The following FBXO33 variants were observed in gnomAD, a reference collection of about 807,000 sequenced individuals.
The protein encoded by FBXO33 is F-box protein 33, also known as F-box only protein 33.
Under a neutral mutation model 46.3 loss-of-function variants are expected in FBXO33, and 22 were observed. That is an observed-to-expected ratio of 0.48 (90% confidence interval 0.34 to 0.68). FBXO33 has a LOEUF of 0.68. FBXO33 is among the 30% of genes least tolerant of loss of function. The pLI is 0.01. For missense variants in FBXO33, 692 were observed against 708.8 expected, an observed-to-expected ratio of 0.98 and a Z score of 0.27; for synonymous variants, 337 against 291.3, an observed-to-expected ratio of 1.16 and a Z score of -1.60.
chr14:39,418,285 G>C (rs2075459534), intron 1 of FBXO33, among the ~76,000 whole-genome samples: 1 of 149,776 alleles, frequency 6.7e-6, no homozygotes, highest in Non-Finnish European at 1.5e-5. Context: ...GGATGGTCTC[G>C]ATCTCCTGAC....
chr14:39,430,958 G>T (rs552367655), intron 1 of FBXO33, among the ~76,000 whole-genome samples: 18 of 152,274 alleles, frequency 1.2e-4, no homozygotes, highest in African/African-American at 4.1e-4. Flanking sequence ...GGGAGAAGTT[G>T]AGTGTGGTGG....
At chr14:39,403,567 A>G (rs2139402383) in intron 1 of FBXO33, among the ~76,000 whole-genome samples, 1 of 152,348 alleles carries the variant, frequency 6.6e-6, no homozygotes, top group South Asian at 2.1e-4. Flanking sequence ...TAAGAAAACT[A>G]GAAAACTATG....
At position 39,401,544 on chromosome 14, in the gene FBXO33, T is replaced by G. The variant is rs370540187; in HGVS notation, c.1028A>C (p.Asn343Thr). 1 of 1,614,176 alleles carries G rather than the reference T, an allele frequency of 6.2e-7. No individual in the cohort carries two copies. The highest frequency in any genetic ancestry group is 1.1e-5 in the South Asian group (1 of 91,084). ...PLQRLSLLVH[N>T]VSVMHKSLDN... is the part of the protein sequence containing the mutation. Reference sequence around the variant, plus strand: ...CAGAGACTTGTGCATTACAGAAACATTGTGAACCAGAAGAGACAGTCGTTG... The same window carrying G: ...CAGAGACTTGTGCATTACAGAAACAGTGTGAACCAGAAGAGACAGTCGTTG... The change falls in exon 3 of 4, where the codon AAT (asparagine) becomes ACT (threonine). Residue 343 changes from asparagine to threonine, a missense_variant. Asn to Thr is a moderately conservative substitution (Grantham distance 65, BLOSUM62 0). Transcript: ENST00000298097.
chr14:39,430,024 A>C (rs2075535167), intron 1 of FBXO33, among the ~76,000 whole-genome samples: 1 of 152,244 alleles, frequency 6.6e-6, no homozygotes, highest in Non-Finnish European at 1.5e-5. Flanking sequence ...ATGGTTGCAT[A>C]AAAGTGCAAT....
At chr14:39,415,547 T>C (rs2075444032) in intron 1 of FBXO33, among the ~76,000 whole-genome samples, 1 of 152,202 alleles carries the variant, frequency 6.6e-6, no homozygotes, top group Non-Finnish European at 1.5e-5. Context: ...AAGATAATAA[T>C]ATAATTGTAT....
chr14:39,414,207 CAGGGAG>C (rs2075436855), intron 1 of FBXO33, among the ~76,000 whole-genome samples: 1 of 152,214 alleles, frequency 6.6e-6, no homozygotes, highest in Non-Finnish European at 1.5e-5. Flanking sequence ...CTTGCATTTT[CAGGGAG>C]GTGACTTTTT....
chr14:39,402,587 T>G (rs766074983), intron 1 of FBXO33, 76 bp from the exon 2 acceptor site: 16 of 626,548 alleles, frequency 2.6e-5, no homozygotes, highest in South Asian at 5.8e-5. Flanking sequence ...AATAAGAATA[T>G]GCAAAGGGGA....
At chr14:39,431,032 C>T (rs1164700808) in intron 1 of FBXO33, among the ~76,000 whole-genome samples, 3 of 152,098 alleles carry the variant, frequency 2.0e-5, no homozygotes, top group Non-Finnish European at 2.9e-5. Context: ...AACAAACACT[C>T]CTCCTCCTCT....
At chr14:39,425,119 C>A (rs1385491046) in intron 1 of FBXO33, among the ~76,000 whole-genome samples, 5 of 152,120 alleles carry the variant, frequency 3.3e-5, no homozygotes, top group Admixed American at 2.0e-4. Flanking sequence ...ACAAGAATTT[C>A]CTTATGAATT....
At chr14:39,412,749 TAAAG>T (rs955116695) in intron 1 of FBXO33, among the ~76,000 whole-genome samples, 62 of 152,330 alleles carry the variant, frequency 4.1e-4, no homozygotes, top group African/African-American at 1.3e-3. Flanking sequence ...AATATTGAAA[TAAAG>T]AAAGTCACAC....
intron 1 of FBXO33, among the ~76,000 whole-genome samples, chr14:39,416,459 T>TC (rs2075449250): frequency 6.6e-6 from 1 of 152,324 alleles, no homozygotes; most frequent in African/African-American, 2.4e-5. Context: ...AGCTTTCTGC[T>TC]CCTTTTCTAC....
Position 39,423,576 on chromosome 14 carries a change from T to C in FBXO33, c.599+7988A>G, listed in dbSNP as rs148025227. On this transcript the variant is annotated intron_variant, in intron 1 of 3. Coordinates refer to ENST00000298097, the MANE Select transcript of FBXO33 (RefSeq NM_203301.4). ...AGATAAATTACAGTCTAATCATCAATAAAAATTAATGAACAACTATTATAG... is the reference window on the plus strand; with the variant it reads ...AGATAAATTACAGTCTAATCATCAACAAAAATTAATGAACAACTATTATAG... Among the ~76,000 whole-genome samples the C allele has an allele frequency of 2.4e-3, 360 of 152,240 alleles. 3 individuals carry two copies. Among genetic ancestry groups the C allele is most frequent in the Middle Eastern group, 0.014 (4 of 294 alleles).
chr14:39,412,483 G>C (rs924824711), intron 1 of FBXO33, among the ~76,000 whole-genome samples: 1 of 152,154 alleles, frequency 6.6e-6, no homozygotes, highest in African/African-American at 2.4e-5. Flanking sequence ...GTTGGATCCT[G>C]TTTTTTAATT....
At position 39,399,451 on chromosome 14, in the gene FBXO33, GA is replaced by G. The variant is rs926634185; in HGVS notation, c.*64del. 68 of 1,337,936 alleles carry G rather than the reference GA, an allele frequency of 5.1e-5. No individual in the cohort carries two copies. The highest frequency in any genetic ancestry group is 6.0e-5 in the Non-Finnish European group (59 of 987,794). The allele number at this position is 1,337,936 out of a possible 1,614,324, so 82.9% of individuals were successfully genotyped here. A position where few individuals can be genotyped will look rare whatever the true frequency, so the allele number is the denominator to read the frequency against. ...CACAAAAGGATTAATTCACACTACT[GA>G]AAAAAAAACATAATAGGACCCTACT... is the stretch of plus-strand genomic sequence containing the variant. On this transcript the variant is annotated 3_prime_UTR_variant, in exon 4 of 4. Transcript: ENST00000298097.
chr14:39,406,510 G>GA (rs939430950), intron 1 of FBXO33, among the ~76,000 whole-genome samples: 1 of 152,148 alleles, frequency 6.6e-6, no homozygotes, highest in African/African-American at 2.4e-5. Context: ...GAAAGATGGG[G>GA]AAAAAATGAG....
chr14:39,426,963 A>G (rs8011412), intron 1 of FBXO33, among the ~76,000 whole-genome samples: 131,205 of 152,186 alleles, frequency 0.86, 56,733 homozygotes, highest in African/African-American at 0.92. Context: ...AACGGGAAGC[A>G]TGTCTTCCCC....
At chr14:39,418,366 A>T (rs917860588) in intron 1 of FBXO33, among the ~76,000 whole-genome samples, 5 of 151,714 alleles carry the variant, frequency 3.3e-5, no homozygotes, top group Admixed American at 6.6e-5. Flanking sequence ...CCCAGCCTCA[A>T]ATTTTCTATT....
chr14:39,409,099 C>A (rs1180000968), intron 1 of FBXO33, among the ~76,000 whole-genome samples: 5 of 152,002 alleles, frequency 3.3e-5, no homozygotes, highest in African/African-American at 1.2e-4. Flanking sequence ...TTACGATGTC[C>A]CACTTGCCTA....
At chr14:39,405,388 G>C (rs2075390659) in intron 1 of FBXO33, among the ~76,000 whole-genome samples, 2 of 151,968 alleles carry the variant, frequency 1.3e-5, no homozygotes, top group Non-Finnish European at 2.9e-5. Flanking sequence ...GGGGGTGAGG[G>C]GACAGTAGGC....
Sources: gnomAD v4.1 joint callset for allele counts (sites outside exome capture counted in the v4.1 genomes callset) on GRCh38, gnomAD v4.1.1 for gene constraint, MANE v1.5 for transcripts, NCBI Gene and HGNC (gene_info 2026-07-23, HGNC 2026-07-21) for gene names.